Variants in BRIP1 observed in about 807,000 individuals in gnomAD.
BRIP1 encodes the protein BRCA1 interacting DNA helicase 1, also known as Fanconi anemia group J protein.
A neutral mutation model predicts 119.7 loss-of-function variants in BRIP1; 88 were observed. The ratio of observed to expected loss-of-function variants is 0.74; its 90% CI spans 0.62 to 0.88. The LOEUF (loss-of-function observed/expected upper bound fraction) is 0.88, where lower values mean the gene tolerates loss of function less well. BRIP1 is among the 40% of genes least tolerant of loss of function. The pLI, the probability that BRIP1 is intolerant of heterozygous loss-of-function variation, is 0.00. For missense variants in BRIP1, 1,259 were observed against 1,455.4 expected (o/e 0.87, Z 2.20); for synonymous variants, 443 against 496.5 (o/e 0.89, Z 1.43).
In BRIP1 at chr17:61,808,780, T is replaced by C. The variant is rs368083467; in HGVS notation, c.628-23A>G. On this transcript the variant is annotated intron_variant, in intron 6 of 19. Coordinates refer to ENST00000259008, the MANE Select transcript of BRIP1 (RefSeq NM_032043.3). This position sits in a 1 kb window ranked among gnomAD's most constrained non-coding sequence, Gnocchi z 4.1. ...GGGCTGTAAGAAAGGAAAGAAACGA[T>C]AACTAATATCTAAACTACCATAAAA... 21 of 1,605,238 alleles carry C rather than the reference T, an allele frequency of 1.3e-5. No individual in the cohort carries two copies. Among genetic ancestry groups the C allele is most frequent in the African/African-American group, 5.3e-5 (4 of 74,822 alleles).
chr17:61,685,068 C>A (rs2061340722), intron 19 of BRIP1: 1 of 152,154 alleles, frequency 6.6e-6, no homozygotes, highest in Non-Finnish European at 1.5e-5. Context: ...TTTGGCAAAC[C>A]TTTTCTGTCA....
At chr17:61,716,999 A>G (rs1236873714) in intron 16 of BRIP1, among the ~76,000 whole-genome samples, 2 of 151,976 alleles carry the variant, frequency 1.3e-5, no homozygotes, top group Admixed American at 6.6e-5. Flanking sequence ...GCTGCCATAC[A>G]TTTTAGTTTT....
chr17:61,828,938 G>A lies in BRIP1; in HGVS notation c.627+18163C>T, dbSNP rs1364701825. Among the ~76,000 whole-genome samples, 1 of 152,136 alleles carries A rather than the reference G, an allele frequency of 6.6e-6. No individual in the cohort carries two copies. Among genetic ancestry groups the A allele is most frequent in the Non-Finnish European group, 1.5e-5 (1 of 67,982 alleles). On this transcript the variant is annotated intron_variant, in intron 6 of 19. Coordinates refer to ENST00000259008, the MANE Select transcript of BRIP1 (RefSeq NM_032043.3). The surrounding 1 kb of genome is among the most constrained non-coding windows in gnomAD (Gnocchi z 4.1). ...AGGTACACTGTGATAAGTTTAAGAT[G>A]CAAAGTATGAAGCAACTCACAAAAA...
rs1303923311 is a variant in BRIP1, at chr17:61,843,040, A to C, written c.627+4061T>G. On this transcript the variant is annotated intron_variant, in intron 6 of 19. Transcript: ENST00000259008. The surrounding 1 kb of genome is among the most constrained non-coding windows in gnomAD (Gnocchi z 5.7). ...TGTCAATGGAATATTAGCCCTAAAA[A>C]AGATCCTGCTATTTGTGACAACATG... Among the ~76,000 whole-genome samples, 1 of 152,224 alleles carries C rather than the reference A, an allele frequency of 6.6e-6. No individual in the cohort carries two copies. The highest frequency in any genetic ancestry group is 1.9e-4 in the East Asian group (1 of 5,202).
rs1381267359 is a variant in BRIP1 at position 61,755,209 on chromosome 17, G to T, written c.2098-10618C>A. Among the ~76,000 whole-genome samples, 1 of 152,104 alleles carries T rather than the reference G, an allele frequency of 6.6e-6. No homozygotes were observed. Among genetic ancestry groups the T allele is most frequent in the Non-Finnish European group, 1.5e-5 (1 of 68,006 alleles). ...AGGTCCAAAACAATGGAAGGTCAGG[G>T]AGGAGAGTAGGGAGGGGTAAAACAT... On this transcript the variant is annotated intron_variant, in intron 14 of 19. Transcript: ENST00000259008. This position sits in a 1 kb window ranked among gnomAD's most constrained non-coding sequence, Gnocchi z 4.5.
At chr17:61,786,899 T>C (rs2077721970) in intron 10 of BRIP1, among the ~76,000 whole-genome samples, 2 of 102,560 alleles carry the variant, frequency 2.0e-5, no homozygotes, top group Non-Finnish European at 3.5e-5. Flanking sequence ...ATATATTTTA[T>C]ATATAATGTA....
intron 6 of BRIP1, among the ~76,000 whole-genome samples, chr17:61,813,174 T>C (rs1432067473): frequency 2.0e-5 from 3 of 151,512 alleles, no homozygotes; most frequent in Non-Finnish European, 4.4e-5. Flanking sequence ...GAAAACTAAG[T>C]ATATAAAGAA....
rs2077159869 is a variant in BRIP1 at position 61,753,489 on chromosome 17, TA to T, written c.2098-8899del. ...AAGAAGTCAGAATTTAATTATATAT[TA>T]GGAAAGCATGACAAAAGATAAAACT... On this transcript the variant is annotated intron_variant, in intron 14 of 19. Transcript: ENST00000259008. The surrounding 1 kb of genome is among the most constrained non-coding windows in gnomAD (Gnocchi z 4.6). Among the ~76,000 whole-genome samples, 1 of 151,974 alleles carries T rather than the reference TA, an allele frequency of 6.6e-6. No individual in the cohort carries two copies. Among genetic ancestry groups the T allele is most frequent in the Admixed American group, 6.6e-5 (1 of 15,254 alleles).
At position 61,686,304 on chromosome 17, in the gene BRIP1, T is replaced by C; in HGVS notation, c.2576-139A>G. On this transcript the variant is annotated intron_variant, in intron 18 of 19. Transcript: ENST00000259008. The surrounding 1 kb of genome is among the most constrained non-coding windows in gnomAD (Gnocchi z 5.4). Reference sequence around the variant, plus strand: ...ATACAGAATGGTTCTCCATATGTTTTTTCTGCAATTCAGCAATTTTACTAC... The same window carrying C: ...ATACAGAATGGTTCTCCATATGTTTCTTCTGCAATTCAGCAATTTTACTAC... The C allele has an allele frequency of 2.5e-6, 2 of 800,820 alleles. No homozygotes were observed. Among genetic ancestry groups the C allele is most frequent in the Non-Finnish European group, 2.1e-6 (1 of 484,120 alleles). 49.6% of individuals were successfully genotyped at this position (800,820 alleles called of 1,614,324 possible).
intron 16 of BRIP1, among the ~76,000 whole-genome samples, chr17:61,719,740 G>T (rs578095865): frequency 1.3e-5 from 2 of 150,778 alleles, no homozygotes; most frequent in African/African-American, 4.9e-5. Flanking sequence ...AAAAAAAAAA[G>T]GTTAATCTCA....
In BRIP1 at chr17:61,816,582, T is replaced by C. The variant is rs1430627854; in HGVS notation, c.628-7825A>G. On this transcript the variant is annotated intron_variant, in intron 6 of 19. Transcript: ENST00000259008. The surrounding 1 kb of genome is among the most constrained non-coding windows in gnomAD (Gnocchi z 5.0). Reference sequence around the variant, plus strand: ...TTTCAATAGAGTAAATCAATAAGAATTATCAGTTTAAGAACAAGCATATCA... The same window carrying C: ...TTTCAATAGAGTAAATCAATAAGAACTATCAGTTTAAGAACAAGCATATCA... 1.3e-5 allele frequency among the ~76,000 whole-genome samples: 2 copies of C among 152,132 alleles called. No individual in the cohort carries two copies. The highest frequency in any genetic ancestry group is 4.8e-5 in the African/African-American group (2 of 41,436).
intron 4 of BRIP1, among the ~76,000 whole-genome samples, chr17:61,850,390 C>T (rs540438544): frequency 3.3e-5 from 5 of 152,032 alleles, no homozygotes; most frequent in South Asian, 4.2e-4. Context: ...CGTGAGCCAC[C>T]GTGCCCAGCC....
In BRIP1 at chr17:61,745,440, C is replaced by T. The variant is rs2077046292; in HGVS notation, c.2098-849G>A. ...CTGGAGTACAGTGGCAAGATCATAG[C>T]TCAGTGCAGCCTCGAACTACTAGGC... On this transcript the variant is annotated intron_variant, in intron 14 of 19. Coordinates refer to ENST00000259008, the MANE Select transcript of BRIP1 (RefSeq NM_032043.3). The surrounding 1 kb of genome is among the most constrained non-coding windows in gnomAD (Gnocchi z 4.4). 6.6e-6 allele frequency among the ~76,000 whole-genome samples: 1 copy of T among 152,152 alleles called. No homozygotes were observed. The highest frequency in any genetic ancestry group is 2.1e-4 in the South Asian group (1 of 4,834).
intron 13 of BRIP1, among the ~76,000 whole-genome samples, chr17:61,779,698 G>C (rs745628822): frequency 2.0e-5 from 3 of 152,132 alleles, no homozygotes; most frequent in Non-Finnish European, 4.4e-5. Context: ...GCTCACGCCT[G>C]TAATCCCAAC....
At position 61,860,043 on chromosome 17, in the gene BRIP1, A is replaced by C; in HGVS notation, c.94-136T>G. 4 of 668,870 alleles carry C rather than the reference A, an allele frequency of 6.0e-6. No individual in the cohort carries two copies. Among genetic ancestry groups the C allele is most frequent in the East Asian group, 2.8e-5 (1 of 35,896 alleles). 41.4% of individuals were successfully genotyped at this position (668,870 alleles called of 1,614,324 possible). The stretch of plus-strand genomic sequence containing the variant: ...AACACAACAATAGCAGAAGGAACTC[A>C]TATTTAGTTAAATCCAAACTGTATT... On this transcript the variant is annotated intron_variant, in intron 2 of 19. Coordinates refer to ENST00000259008, the MANE Select transcript of BRIP1 (RefSeq NM_032043.3). This position sits in a 1 kb window ranked among gnomAD's most constrained non-coding sequence, Gnocchi z 4.1.
chr17:61,801,512 A>G, intron 7 of BRIP1, 38 bp from the exon 8 acceptor site: 1 of 1,462,222 alleles, frequency 6.8e-7, no homozygotes, highest in South Asian at 1.1e-5. Context: ...GTGAACCAAT[A>G]TTAGCATAGA....
At chr17:61,817,441 A>G (rs1161284100) in intron 6 of BRIP1, among the ~76,000 whole-genome samples, 1 of 152,222 alleles carries the variant, frequency 6.6e-6, no homozygotes, top group East Asian at 1.9e-4. Context: ...ATGCTATCCT[A>G]TCATGTCATT....
Position 61,794,447 on chromosome 17 carries a change from A to G in BRIP1, c.1341-718T>C, listed in dbSNP as rs2077868488. Among the ~76,000 whole-genome samples the G allele has an allele frequency of 6.6e-6, 1 of 152,090 alleles. No individual in the cohort carries two copies. The highest frequency in any genetic ancestry group is 2.4e-5 in the African/African-American group (1 of 41,424). On this transcript the variant is annotated intron_variant, in intron 9 of 19. Transcript: ENST00000259008. This position sits in a 1 kb window ranked among gnomAD's most constrained non-coding sequence, Gnocchi z 4.3. ...TTAGCAAACTAATGCAGGAACAGAAAATACTGCATGTTCTCACTTATAAGT... is the reference window on the plus strand; with the variant it reads ...TTAGCAAACTAATGCAGGAACAGAAGATACTGCATGTTCTCACTTATAAGT...
rs147945067 is a variant in BRIP1, at chr17:61,805,390, T to G, written c.918+3077A>C. 4.0e-3 allele frequency among the ~76,000 whole-genome samples: 602 copies of G among 152,324 alleles called. 1 individual carries two copies. Among genetic ancestry groups the G allele is most frequent in the African/African-American group, 0.014 (585 of 41,580 alleles). ...AACTATATTTATTTAGGCCATTTTC[T>G]ACATTATTTTCACTCACTTTCTCTA... On this transcript the variant is annotated intron_variant, in intron 7 of 19. Transcript: ENST00000259008. The surrounding 1 kb of genome is among the most constrained non-coding windows in gnomAD (Gnocchi z 5.6).
Sources: gnomAD v4.1 joint callset for allele counts (sites outside exome capture counted in the v4.1 genomes callset) on GRCh38, gnomAD v4.1.1 for gene constraint, Gnocchi (gnomAD v3.1) non-coding constraint, MANE v1.5 for transcripts, NCBI Gene and HGNC (gene_info 2026-07-23, HGNC 2026-07-21) for gene names.